Variants in SMAD5 observed in about 807,000 individuals in gnomAD.
SMAD5 encodes the protein MAD, mothers against decapentaplegic homolog 5.
Under a neutral mutation model 43.1 loss-of-function variants are expected in SMAD5, and 9 were observed. That is an observed-to-expected ratio of 0.21 (90% CI 0.13 to 0.36). The LOEUF (loss-of-function observed/expected upper bound fraction) is 0.36, where lower values mean the gene tolerates loss of function less well. SMAD5 is among the 10% of genes least tolerant of loss of function. The pLI is 1.00. For synonymous variants in SMAD5, 190 were observed against 192.4 expected, an observed-to-expected ratio of 0.99 and a Z score of 0.10; for missense variants, 348 against 574.0, an observed-to-expected ratio of 0.61 and a Z score of 4.02.
At chr5:136,164,332 G>T (rs1753924241) in intron 5 of SMAD5, among the ~76,000 whole-genome samples, 1 of 152,174 alleles carries the variant, frequency 6.6e-6, no homozygotes, top group Non-Finnish European at 1.5e-5. Flanking sequence ...CTTCTCTGAA[G>T]CGGCAGTACC....
Position 136,170,403 on chromosome 5 carries a change from T to G in SMAD5, c.776-2031T>G, listed in dbSNP as rs551522711. ...CAAATACCAGTTGACTGTATTTACT[T>G]GGGTCTATTTCTAAACTCTATTCTG... On this transcript the variant is annotated intron_variant, in intron 5 of 7. Transcript: ENST00000545279. Among the ~76,000 whole-genome samples, 60 of 152,326 alleles carry G rather than the reference T, an allele frequency of 3.9e-4. 1 individual carries two copies. The South Asian group carries it at 0.012, about 30-fold the overall frequency.
At chr5:136,172,358 G>A in intron 5 of SMAD5, 76 bp from the exon 6 acceptor site, 1 of 824,366 alleles carries the variant, frequency 1.2e-6, no homozygotes, top group Non-Finnish European at 1.9e-6. Flanking sequence ...ACTTGGGTTG[G>A]GTTAAAAGAT....
intron 1 of SMAD5, among the ~76,000 whole-genome samples, chr5:136,141,560 C>T (rs1753083552): frequency 6.6e-6 from 1 of 152,160 alleles, no homozygotes; most frequent in South Asian, 2.1e-4. Flanking sequence ...TAGAAAAAGG[C>T]CTTCTCATTT....
At chr5:136,142,600 T>G (rs1437166515) in intron 1 of SMAD5, among the ~76,000 whole-genome samples, 1 of 152,122 alleles carries the variant, frequency 6.6e-6, no homozygotes, top group Non-Finnish European at 1.5e-5. Context: ...AAGGGTATTA[T>G]CAAGTCAAGT....
chr5:136,137,959 T>C (rs2149758321), intron 1 of SMAD5, among the ~76,000 whole-genome samples: 1 of 152,302 alleles, frequency 6.6e-6, no homozygotes, highest in East Asian at 1.9e-4. Flanking sequence ...ACAGTCATGA[T>C]TTGGTATCTG....
intron 7 of SMAD5, among the ~76,000 whole-genome samples, chr5:136,176,870 A>C (rs181669585): frequency 1.3e-5 from 2 of 152,186 alleles, no homozygotes; most frequent in Non-Finnish European, 2.9e-5. Context: ...CTTTGGGGCT[A>C]TGTAAATACA....
intron 5 of SMAD5, among the ~76,000 whole-genome samples, chr5:136,169,293 T>C (rs1224963128): frequency 6.6e-6 from 1 of 152,182 alleles, no homozygotes; most frequent in Non-Finnish European, 1.5e-5. Flanking sequence ...TGCTTTATCC[T>C]AGCCACGCTG....
intron 5 of SMAD5, among the ~76,000 whole-genome samples, chr5:136,169,455 A>G (rs988453584): frequency 1.2e-4 from 18 of 152,164 alleles, no homozygotes; most frequent in Admixed American, 4.6e-4. Flanking sequence ...TTGACACTCA[A>G]TACTAACCAT....
intron 3 of SMAD5, among the ~76,000 whole-genome samples, chr5:136,159,409 A>G (rs1753755971): frequency 6.6e-6 from 1 of 152,194 alleles, no homozygotes; most frequent in East Asian, 1.9e-4. Context: ...TTTTTGTTAT[A>G]ATCTCTAATA....
At chr5:136,174,100 T>G (rs138433880) in intron 6 of SMAD5, among the ~76,000 whole-genome samples, 1 of 151,978 alleles carries the variant, frequency 6.6e-6, no homozygotes, top group Non-Finnish European at 1.5e-5. Flanking sequence ...CTTTCTCTCA[T>G]AGAGATGATA....
chr5:136,171,125 G>T (rs1754203791), intron 5 of SMAD5, among the ~76,000 whole-genome samples: 1 of 152,162 alleles, frequency 6.6e-6, no homozygotes, highest in South Asian at 2.1e-4. Flanking sequence ...CTTTGTTTTT[G>T]ATCTTAGCAG....
At chr5:136,133,278 C>T (rs1297507730) in intron 1 of SMAD5, 1 of 152,642 alleles carries the variant, frequency 6.6e-6, no homozygotes, top group Non-Finnish European at 1.5e-5. Context: ...GGAGGGGACC[C>T]CCTGACCCCG....
chr5:136,178,844 G>A lies in SMAD5; in HGVS notation c.*1364G>A, dbSNP rs1011959083. 1 of 152,282 alleles carries A rather than the reference G, an allele frequency of 6.6e-6. No individual in the cohort carries two copies. Among genetic ancestry groups the A allele is most frequent in the Non-Finnish European group, 1.5e-5 (1 of 68,162 alleles). 9.4% of individuals were successfully genotyped at this position (152,282 alleles called of 1,614,324 possible). ...CTGAGGCAGGCAGATCATGATGTCA[G>A]GAGTTTGAGACCAGCCTGGCCAATA... On this transcript the variant is annotated 3_prime_UTR_variant, in exon 8 of 8. Transcript: ENST00000545279.
chr5:136,137,017 ATTTTT>A (rs60239443), intron 1 of SMAD5, among the ~76,000 whole-genome samples: 5 of 109,002 alleles, frequency 4.6e-5, no homozygotes, highest in Non-Finnish European at 5.7e-5. Context: ...TTTAGTTTTG[ATTTTT>A]TTTTTTTTTT....
Position 136,160,764 on chromosome 5 carries a change from T to TCCTTTTCTACCAACCC in SMAD5, c.404-91_404-90insCTTTTCTACCAACCCC, listed in dbSNP as rs1753795014. On this transcript the variant is annotated intron_variant, in intron 3 of 7. Transcript: ENST00000545279. ...GTAAATTGTTTTAATAGGTTTACAG[T>TCCTTTTCTACCAACCC]CTTACATGAATCCTTTCTACCAACC... 1.4e-5 allele frequency: 17 copies of TCCTTTTCTACCAACCC among 1,250,972 alleles called. No individual in the cohort carries two copies. In the South Asian group the frequency reaches 2.3e-4, roughly 17 times the overall value. 77.5% of individuals were successfully genotyped at this position (1,250,972 alleles called of 1,614,324 possible).
chr5:136,144,931 A>G (rs1299476085), intron 1 of SMAD5, among the ~76,000 whole-genome samples: 3 of 151,844 alleles, frequency 2.0e-5, no homozygotes, highest in African/African-American at 7.3e-5. Flanking sequence ...CTCCAAAAGC[A>G]ACACTGAGGA....
At position 136,182,202 on chromosome 5, in the gene SMAD5, A is replaced by C. The variant is rs1292168807; in HGVS notation, c.*4722A>C. 1 of 151,648 alleles carries C rather than the reference A, an allele frequency of 6.6e-6. No homozygotes were observed. The highest frequency in any genetic ancestry group is 1.9e-4 in the East Asian group (1 of 5,186). 9.4% of individuals were successfully genotyped at this position (151,648 alleles called of 1,614,324 possible). A position where few individuals can be genotyped will look rare whatever the true frequency, so the allele number is the denominator to read the frequency against. Reference sequence around the variant, plus strand: ...CTGGTGTTAGCTATAACAAAACTCCAGTAAGGCCAAAGAATCCCAAGTTCT... The same window carrying C: ...CTGGTGTTAGCTATAACAAAACTCCCGTAAGGCCAAAGAATCCCAAGTTCT... On this transcript the variant is annotated 3_prime_UTR_variant, in exon 8 of 8. Coordinates refer to ENST00000545279, the MANE Select transcript of SMAD5 (RefSeq NM_005903.7).
intron 5 of SMAD5, among the ~76,000 whole-genome samples, chr5:136,168,396 GTTTTGT>G (rs1472528902): frequency 9.4e-5 from 6 of 64,166 alleles, no homozygotes; most frequent in African/African-American, 6.8e-4. Flanking sequence ...TCATTTAGTT[GTTTTGT>G]TTTTTTGTTT....
At chr5:136,149,295 G>GT (rs943605454) in intron 2 of SMAD5, among the ~76,000 whole-genome samples, 1 of 151,748 alleles carries the variant, frequency 6.6e-6, no homozygotes, top group Non-Finnish European at 1.5e-5. Flanking sequence ...ACATGTACTT[G>GT]TTTTTTGGTG....
Sources: gnomAD v4.1 joint callset for allele counts (sites outside exome capture counted in the v4.1 genomes callset) on GRCh38, gnomAD v4.1.1 for gene constraint, MANE v1.5 for transcripts, NCBI Gene and HGNC (gene_info 2026-07-23, HGNC 2026-07-21) for gene names.